Variants in CCDC172 observed in about 807,000 individuals in gnomAD.
CCDC172 encodes coiled-coil domain-containing protein 172.
A neutral mutation model predicts 38.0 loss-of-function variants in CCDC172; 30 were observed. The ratio of observed to expected loss-of-function variants is 0.79; its 90% confidence interval spans 0.59 to 1.07. The LOEUF (loss-of-function observed/expected upper bound fraction) is 1.07. Among genes scored for constraint, CCDC172 ranks in the 50% least tolerant of loss-of-function variants. CCDC172 has a pLI of 0.00. For synonymous variants in CCDC172, 78 were observed against 88.3 expected, an observed-to-expected ratio of 0.88 and a Z score of 0.66; for missense variants, 297 against 290.1, an observed-to-expected ratio of 1.02 and a Z score of -0.17.
intron 5 of CCDC172, among the ~76,000 whole-genome samples, chr10:116,347,522 T>G (rs1327468938): frequency 1.3e-5 from 2 of 151,924 alleles, no homozygotes; most frequent in Non-Finnish European, 2.9e-5. Flanking sequence ...GAAAAGCATA[T>G]GATTGTTTTT....
At chr10:116,349,064 T>C (rs1844900290) in intron 5 of CCDC172, among the ~76,000 whole-genome samples, 1 of 152,104 alleles carries the variant, frequency 6.6e-6, no homozygotes, top group Admixed American at 6.6e-5. Context: ...TTCTCGAACA[T>C]AAACCCTCTC....
rs1453826180 is a variant in CCDC172 at position 116,357,492 on chromosome 10, C to A, written c.550+11C>A. ...AAAGAAAACTTAAAGGTATTACCTT[C>A]ATGAGTTAGCTTATTTTGCTGATAA... On this transcript the variant is annotated intron_variant, in intron 6 of 8. Transcript: ENST00000333254. The A allele has an allele frequency of 6.6e-7, 1 of 1,512,874 alleles. No individual in the cohort carries two copies. The highest frequency in any genetic ancestry group is 8.9e-7 in the Non-Finnish European group (1 of 1,125,866). 93.7% of individuals were successfully genotyped at this position (1,512,874 alleles called of 1,614,324 possible). A position where few individuals can be genotyped will look rare whatever the true frequency, so the allele number is the denominator to read the frequency against.
intron 5 of CCDC172, among the ~76,000 whole-genome samples, chr10:116,354,125 C>T (rs1480579806): frequency 1.3e-5 from 2 of 152,138 alleles, no homozygotes. Context: ...GAAAATATTC[C>T]TATTGCCTAG....
At chr10:116,347,664 AG>A (rs1396902248) in intron 5 of CCDC172, among the ~76,000 whole-genome samples, 1 of 152,162 alleles carries the variant, frequency 6.6e-6, no homozygotes, top group African/African-American at 2.4e-5. Context: ...CATAAAAGTT[AG>A]TAATAAGGGA....
At chr10:116,348,104 G>GA (rs1844888617) in intron 5 of CCDC172, among the ~76,000 whole-genome samples, 1 of 151,392 alleles carries the variant, frequency 6.6e-6, no homozygotes, top group Admixed American at 6.6e-5. Context: ...TCTCTGCTTG[G>GA]AAAAATGTAC....
intron 3 of CCDC172, among the ~76,000 whole-genome samples, chr10:116,332,258 A>G (rs1203595669): frequency 6.6e-6 from 1 of 152,144 alleles, no homozygotes; most frequent in Non-Finnish European, 1.5e-5. Context: ...TAAATATTTT[A>G]AATGTAGTTA....
intron 7 of CCDC172, among the ~76,000 whole-genome samples, chr10:116,374,858 G>A (rs1432317808): frequency 6.8e-6 from 1 of 147,920 alleles, no homozygotes; most frequent in Non-Finnish European, 1.5e-5. Flanking sequence ...GTTTCCACAA[G>A]AAACTCACTT....
chr10:116,357,451 G>T lies in CCDC172; in HGVS notation c.520G>T (p.Glu174Ter). 3 of 1,578,260 alleles carry T rather than the reference G, an allele frequency of 1.9e-6. No individual in the cohort carries two copies. Among genetic ancestry groups the T allele is most frequent in the South Asian group, 1.2e-5 (1 of 85,018 alleles). The change falls in exon 6 of 9, where the codon GAA becomes TAA. Residue 174 changes from glutamate to a stop codon, truncating the protein, a stop_gained. Coordinates refer to ENST00000333254, the MANE Select transcript of CCDC172 (RefSeq NM_198515.3). LOFTEE classifies it high-confidence loss of function. ...AAAACAAAAGAGTGAATTGATACAA[G>T]AATTATTTACTCTCCAAAGAAAACT... Reference protein sequence around the residue: ...LQKQKSELIQELFTLQRKLKV... With the variant: ...LQKQKSELIQ
In CCDC172 at chr10:116,325,079, T is replaced by G; in HGVS notation, c.68T>G (p.Leu23Trp). The G allele has an allele frequency of 6.2e-7, 1 of 1,613,994 alleles. No homozygotes were observed. The highest frequency in any genetic ancestry group is 8.5e-7 in the Non-Finnish European group (1 of 1,180,000). ...TEHQAEESRR[L>W]MREVRSEITR... ...CATCAGGCGGAGGAGAGTCGCCGTT[T>G]GATGCGAGAAGGTCGGGGTATTTCT... The change falls in exon 2 of 9, where the codon TTG (leucine) becomes TGG (tryptophan). Residue 23 changes from leucine to tryptophan, a missense_variant. Leu to Trp is a moderately conservative substitution (Grantham distance 61). Coordinates refer to ENST00000333254, the MANE Select transcript of CCDC172 (RefSeq NM_198515.3).
At chr10:116,372,921 T>C (rs923141313) in intron 7 of CCDC172, among the ~76,000 whole-genome samples, 5 of 152,158 alleles carry the variant, frequency 3.3e-5, no homozygotes, top group Admixed American at 2.0e-4. Context: ...CTCAGAATTG[T>C]CAGTGAAAAT....
rs528444215 is a variant in CCDC172, at chr10:116,375,544, T to G, written c.654-2879T>G. Among the ~76,000 whole-genome samples, 34 of 146,590 alleles carry G rather than the reference T, an allele frequency of 2.3e-4. No individual in the cohort carries two copies. The South Asian group carries it at 5.5e-3, about 24-fold the overall frequency. Reference sequence around the variant, plus strand: ...CCCACTTATGAGTGAGAACATGCGGTGTTTGGTTTTCTGTTCTTGTATTAG... The same window carrying G: ...CCCACTTATGAGTGAGAACATGCGGGGTTTGGTTTTCTGTTCTTGTATTAG... On this transcript the variant is annotated intron_variant, in intron 7 of 8. Coordinates refer to ENST00000333254, the MANE Select transcript of CCDC172 (RefSeq NM_198515.3).
chr10:116,325,786 T>C (rs533889322), intron 3 of CCDC172, among the ~76,000 whole-genome samples: 29 of 152,364 alleles, frequency 1.9e-4, no homozygotes, highest in African/African-American at 6.7e-4. Context: ...AACAAGCCCC[T>C]GCCTTTAGTT....
chr10:116,327,338 G>A (rs1217523149), intron 3 of CCDC172, among the ~76,000 whole-genome samples: 1 of 151,978 alleles, frequency 6.6e-6, no homozygotes, highest in Non-Finnish European at 1.5e-5. Context: ...CTGAAGTTTT[G>A]TATCTTGTTT....
At chr10:116,356,128 C>T (rs1273052789) in intron 5 of CCDC172, among the ~76,000 whole-genome samples, 2 of 151,992 alleles carry the variant, frequency 1.3e-5, no homozygotes, top group Middle Eastern at 3.4e-3. Context: ...GTCAGGAGTT[C>T]GAGACCAGCC....
Position 116,333,099 on chromosome 10 carries a change from A to T in CCDC172, c.166-7635A>T, listed in dbSNP as rs1844686129. Among the ~76,000 whole-genome samples the T allele has an allele frequency of 3.3e-5, 5 of 152,096 alleles. No homozygotes were observed. The South Asian group carries it at 1.0e-3, about 32-fold the overall frequency. On this transcript the variant is annotated intron_variant, in intron 3 of 8. Transcript: ENST00000333254. The stretch of plus-strand genomic sequence containing the variant: ...TCTTTGTTTGCATCCTTTTAAGAAC[A>T]GTAAGTAATTGATTACAATTTTTTT...
chr10:116,373,982 A>G (rs935440652), intron 7 of CCDC172, among the ~76,000 whole-genome samples: 1 of 152,206 alleles, frequency 6.6e-6, no homozygotes, highest in African/African-American at 2.4e-5. Context: ...AAATGAAAAA[A>G]TTCATAAATA....
At chr10:116,330,455 A>G (rs558310989) in intron 3 of CCDC172, among the ~76,000 whole-genome samples, 24 of 152,330 alleles carry the variant, frequency 1.6e-4, no homozygotes, top group African/African-American at 5.1e-4. Flanking sequence ...AAAACTGTGC[A>G]TAGATAAAAG....
chr10:116,372,383 G>A (rs1430564622), intron 7 of CCDC172, among the ~76,000 whole-genome samples: 2 of 151,956 alleles, frequency 1.3e-5, no homozygotes, highest in Non-Finnish European at 2.9e-5. Context: ...AAAATATTCA[G>A]TTATGTAACC....
chr10:116,377,900 G>C (rs1845267292), intron 7 of CCDC172, among the ~76,000 whole-genome samples: 1 of 152,138 alleles, frequency 6.6e-6, no homozygotes, highest in South Asian at 2.1e-4. Flanking sequence ...TTAAATGTCA[G>C]CTGGGCGTGG....
Sources: gnomAD v4.1 joint callset for allele counts (sites outside exome capture counted in the v4.1 genomes callset) on GRCh38, gnomAD v4.1.1 for gene constraint, MANE v1.5 for transcripts, NCBI Gene and HGNC (gene_info 2026-07-23, HGNC 2026-07-21) for gene names.